HDAC9: variants seen among roughly 807,000 people sequenced by gnomAD.
The protein encoded by HDAC9 is histone deacetylase 9.
HDAC9 carries 41 observed loss-of-function variants against 139.4 expected under a neutral mutation model. The observed-to-expected ratio is 0.29, with a 90% confidence interval of 0.23 to 0.38. The LOEUF (loss-of-function observed/expected upper bound fraction) is 0.38. Among genes scored for constraint, HDAC9 ranks in the 10% least tolerant of loss-of-function variants. The pLI is 1.00. For missense variants in HDAC9, 1,147 were observed against 1,297.0 expected, an observed-to-expected ratio of 0.88 and a Z score of 1.78; for synonymous variants, 517 against 476.2, an observed-to-expected ratio of 1.09 and a Z score of -1.12.
At chr7:18,737,425 T>G (rs1787026587) in intron 13 of HDAC9, among the ~76,000 whole-genome samples, 1 of 152,238 alleles carries the variant, frequency 6.6e-6, no homozygotes, top group Non-Finnish European at 1.5e-5. Context: ...GAGATTCTGG[T>G]AAGTGGTGTC....
Position 19,001,152 on chromosome 7 carries a change from GTT to G in HDAC9, c.*5091_*5092del, listed in dbSNP as rs1786728554. The G allele has an allele frequency of 6.6e-6, 1 of 152,136 alleles. No homozygotes were observed. Among genetic ancestry groups the G allele is most frequent in the Non-Finnish European group, 1.5e-5 (1 of 68,010 alleles). 9.4% of individuals were successfully genotyped at this position (152,136 alleles called of 1,614,324 possible). On this transcript the variant is annotated 3_prime_UTR_variant, in exon 26 of 26. Coordinates refer to ENST00000686413, the MANE Select transcript of HDAC9 (RefSeq NM_178425.4). Reference sequence around the variant, plus strand: ...GCTACTACCTAATCATGTTGTACTAGTTATTGTGGAAAGAAAATTGTACATAC... The same window carrying G: ...GCTACTACCTAATCATGTTGTACTAGATTGTGGAAAGAAAATTGTACATAC...
rs765515793 is a variant in HDAC9 at position 18,634,723 on chromosome 7, C to T, written c.893C>T (p.Pro298Leu). The change falls in exon 8 of 26, where the codon CCC (proline) becomes CTC (leucine). Residue 298 changes from proline to leucine, a missense_variant. By Grantham distance (98) the Pro-to-Leu change is moderately conservative (BLOSUM62 -3). Transcript: ENST00000686413. ...ACTGAAAATGAGACTTCGGTTTTGC[C>T]CCCTACCCCTCATGCCGAGGTAAGA... ...SVTENETSVLPPTPHAEQMVS... is the reference protein window; with the variant it reads ...SVTENETSVLLPTPHAEQMVS... 16 of 1,594,438 alleles carry T rather than the reference C, an allele frequency of 1.0e-5. No homozygotes were observed. The Admixed American group carries it at 1.0e-4, about 10-fold the overall frequency.
intron 1 of HDAC9, among the ~76,000 whole-genome samples, chr7:18,442,414 A>C (rs1374746910): frequency 6.6e-6 from 1 of 152,216 alleles, no homozygotes; most frequent in African/African-American, 2.4e-5. Context: ...TTTCCCCACC[A>C]GTTGCCGGAC....
intron 16 of HDAC9, among the ~76,000 whole-genome samples, chr7:18,788,583 C>T (rs1348996830): frequency 1.3e-5 from 2 of 151,920 alleles, no homozygotes; most frequent in African/African-American, 4.8e-5. Context: ...GGTGAAACCC[C>T]ATCTCTACTA....
chr7:18,509,720 A>G (rs1800884737), intron 2 of HDAC9, among the ~76,000 whole-genome samples: 1 of 152,056 alleles, frequency 6.6e-6, no homozygotes, highest in Non-Finnish European at 1.5e-5. Context: ...CACCTCTGTA[A>G]TATTAATACT....
chr7:18,578,971 C>T (rs902277586), intron 2 of HDAC9, among the ~76,000 whole-genome samples: 1 of 152,154 alleles, frequency 6.6e-6, no homozygotes. Flanking sequence ...GAAGTTATTC[C>T]TTATTGATTT....
upstream of HDAC9, among the ~76,000 whole-genome samples, chr7:18,288,590 C>T (rs1195404910): frequency 6.6e-6 from 1 of 152,090 alleles, no homozygotes; most frequent in Non-Finnish European, 1.5e-5. Flanking sequence ...ATGCCTGGAG[C>T]ACTTTATGAT....
At chr7:18,390,371 G>T (rs536167227) in intron 1 of HDAC9, among the ~76,000 whole-genome samples, 2 of 152,270 alleles carry the variant, frequency 1.3e-5, no homozygotes, top group African/African-American at 4.8e-5. Context: ...CAGTAGGTCA[G>T]CAAGGTCTGT....
chr7:18,314,921 T>A (rs1799537870), intron 1 of HDAC9, among the ~76,000 whole-genome samples: 1 of 152,166 alleles, frequency 6.6e-6, no homozygotes, highest in Non-Finnish European at 1.5e-5. Flanking sequence ...TGTTAAGTAG[T>A]TAATATGAGC....
At chr7:18,406,209 T>TA (rs1787989509) in intron 1 of HDAC9, among the ~76,000 whole-genome samples, 1 of 152,178 alleles carries the variant, frequency 6.6e-6, no homozygotes, top group Non-Finnish European at 1.5e-5. Context: ...GACTTTTCCA[T>TA]AATTGTAAGT....
At chr7:18,270,448 T>C (rs1353849364) in intron 2 of HDAC9, among the ~76,000 whole-genome samples, 2 of 152,200 alleles carry the variant, frequency 1.3e-5, no homozygotes, top group African/African-American at 4.8e-5. Context: ...GAAAAACTTC[T>C]GGATGCTTAA....
chr7:18,255,048 A>T (rs1795143703), intron 2 of HDAC9, among the ~76,000 whole-genome samples: 1 of 152,244 alleles, frequency 6.6e-6, no homozygotes, highest in Non-Finnish European at 1.5e-5. Flanking sequence ...TCAAACAAGC[A>T]AAGAACCCTT....
chr7:18,930,939 C>G (rs557803698), intron 22 of HDAC9, among the ~76,000 whole-genome samples: 4 of 152,044 alleles, frequency 2.6e-5, no homozygotes, highest in Admixed American at 6.5e-5. Context: ...AGATTTGGAT[C>G]GCTCTGTCTC....
chr7:18,279,298 G>C (rs1316983694), intron 2 of HDAC9, among the ~76,000 whole-genome samples: 1 of 151,966 alleles, frequency 6.6e-6, no homozygotes, highest in Non-Finnish European at 1.5e-5. Context: ...TTTTATCCTT[G>C]TTCTTACTAA....
chr7:18,649,683 A>T (rs1788636331), intron 11 of HDAC9, among the ~76,000 whole-genome samples: 1 of 152,168 alleles, frequency 6.6e-6, no homozygotes, highest in Non-Finnish European at 1.5e-5. Flanking sequence ...TTCTAACGGC[A>T]GTAGGGGAAA....
intron 25 of HDAC9, among the ~76,000 whole-genome samples, chr7:18,988,696 C>T (rs1785594238): frequency 6.6e-6 from 1 of 151,100 alleles, no homozygotes; most frequent in Non-Finnish European, 1.5e-5. Flanking sequence ...GTGTGGGAGT[C>T]TAAGTCTCTT....
chr7:18,272,135 A>T (rs1458798131), intron 2 of HDAC9, among the ~76,000 whole-genome samples: 4 of 152,204 alleles, frequency 2.6e-5, no homozygotes, highest in Admixed American at 2.6e-4. Context: ...GCAGTATTTC[A>T]AATGTTTATG....
chr7:18,381,236 G>C (rs190284248), intron 1 of HDAC9, among the ~76,000 whole-genome samples: 1 of 134,046 alleles, frequency 7.5e-6, no homozygotes, highest in Non-Finnish European at 1.6e-5. Flanking sequence ...AGAAAAAAAA[G>C]AAAAATAAAA....
intron 21 of HDAC9, among the ~76,000 whole-genome samples, chr7:18,865,009 TG>T (rs1033011649): frequency 3.2e-4 from 49 of 152,338 alleles, no homozygotes; most frequent in African/African-American, 1.1e-3. Context: ...AATAGAGTCC[TG>T]GCCAAGCTTC....
Sources: gnomAD v4.1 joint callset for allele counts (sites outside exome capture counted in the v4.1 genomes callset) on GRCh38, gnomAD v4.1.1 for gene constraint, MANE v1.5 for transcripts, NCBI Gene and HGNC (gene_info 2026-07-23, HGNC 2026-07-21) for gene names.